Variants in MED27 observed in about 807,000 individuals in gnomAD.
The protein encoded by MED27 is mediator complex subunit 27, also known as mediator of RNA polymerase II transcription subunit 27.
Under a neutral mutation model 38.2 loss-of-function variants are expected in MED27, and 30 were observed. That is an observed-to-expected ratio of 0.79 (90% confidence interval 0.59 to 1.07). The LOEUF is 1.07. Among genes scored for constraint, MED27 ranks in the 50% least tolerant of loss-of-function variants. The pLI is 0.00. For synonymous variants in MED27, 122 were observed against 153.5 expected (o/e 0.79, Z 1.52); for missense variants, 289 against 397.5 (o/e 0.73, Z 2.32).
At chr9:131,969,419 T>C (rs1409892996) in intron 3 of MED27, among the ~76,000 whole-genome samples, 1 of 152,192 alleles carries the variant, frequency 6.6e-6, no homozygotes, top group Non-Finnish European at 1.5e-5. Flanking sequence ...ACATCTTCAA[T>C]GGAGGTTTCT....
intron 3 of MED27, among the ~76,000 whole-genome samples, chr9:131,980,631 C>T (rs187284487): frequency 2.2e-4 from 34 of 152,106 alleles, no homozygotes; most frequent in African/African-American, 7.2e-4. Context: ...TAAAAATAAA[C>T]GCACAATATT....
chr9:131,927,753 G>A (rs114952002), intron 4 of MED27, among the ~76,000 whole-genome samples: 2,401 of 152,250 alleles, frequency 0.016, 57 homozygotes, highest in African/African-American at 0.051. Flanking sequence ...AATATACAGA[G>A]GGCTCAAAAA....
In MED27 at chr9:132,077,445, G is replaced by A; in HGVS notation, c.345C>T (p.Asn115=). 1.2e-6 allele frequency: 2 copies of A among 1,613,688 alleles called. No homozygotes were observed. The highest frequency in any genetic ancestry group is 1.7e-6 in the Non-Finnish European group (2 of 1,179,904). ...CCGTTTATTACATCTCCCTTACCTT[G>A]TTTGACCACTTATATGCTTGAAGGA... is the stretch of plus-strand genomic sequence containing the variant. ...SQLLQAYKWS[N]KLQYHAGLAS... Residue 115 remains asparagine (N), a synonymous_variant, in exon 2 of 8, where the codon AAC becomes AAT. Coordinates refer to ENST00000292035, the MANE Select transcript of MED27 (RefSeq NM_004269.4).
At chr9:131,914,458 A>G (rs7851852) in intron 4 of MED27, among the ~76,000 whole-genome samples, 5,023 of 152,250 alleles carry the variant, frequency 0.033, 294 homozygotes, top group African/African-American at 0.11. Context: ...GTGCATTCCT[A>G]TCATGAATGG....
chr9:132,046,643 C>A (rs114532482), intron 2 of MED27, among the ~76,000 whole-genome samples: 1 of 152,100 alleles, frequency 6.6e-6, no homozygotes, highest in Non-Finnish European at 1.5e-5. Flanking sequence ...CCCAAGCAAT[C>A]GTAGCAGTGG....
At chr9:132,043,654 A>G (rs1342929585) in intron 2 of MED27, among the ~76,000 whole-genome samples, 3 of 152,222 alleles carry the variant, frequency 2.0e-5, no homozygotes, top group South Asian at 2.1e-4. Context: ...ATAATTTTCA[A>G]TTAAAACTCA....
chr9:131,868,479 A>G (rs1464281862), intron 6 of MED27: 1 of 705,474 alleles, frequency 1.4e-6, no homozygotes, highest in Non-Finnish European at 1.7e-6. Context: ...GTCTCACTGT[A>G]TTGCCCAGGC....
chr9:131,942,892 C>A (rs934557551), intron 3 of MED27, among the ~76,000 whole-genome samples: 2 of 151,984 alleles, frequency 1.3e-5, no homozygotes, highest in Non-Finnish European at 2.9e-5. Flanking sequence ...ATTTTTGATT[C>A]CTTTATTGAT....
At position 132,051,886 on chromosome 9, in the gene MED27, CA is replaced by C. The variant is rs1214213997; in HGVS notation, c.348+25555del. On this transcript the variant is annotated intron_variant, in intron 2 of 7. Coordinates refer to ENST00000292035, the MANE Select transcript of MED27 (RefSeq NM_004269.4). This position sits in a 1 kb window ranked among gnomAD's most constrained non-coding sequence, Gnocchi z 4.2. ...GATGGACGAGACTGAGGTGCCAAAACAGGTCCCTTTCCTTGCCATTTTAACT... is the reference window on the plus strand; with the variant it reads ...GATGGACGAGACTGAGGTGCCAAAACGGTCCCTTTCCTTGCCATTTTAACT... Among the ~76,000 whole-genome samples the C allele has an allele frequency of 5.9e-5, 9 of 152,154 alleles. No individual in the cohort carries two copies. Among genetic ancestry groups the C allele is most frequent in the Non-Finnish European group, 1.3e-4 (9 of 68,020 alleles).
At position 132,003,289 on chromosome 9, in the gene MED27, G is replaced by C. The variant is rs191493514; in HGVS notation, c.479+11048C>G. 1.2e-3 allele frequency among the ~76,000 whole-genome samples: 177 copies of C among 152,306 alleles called. No individual in the cohort carries two copies. Among genetic ancestry groups the C allele is most frequent in the African/African-American group, 4.1e-3 (170 of 41,570 alleles). ...TATAATTTTCAGACTGCTTCTGCAG[G>C]CTGCCACATTCAACTTAGTGCTTAA... On this transcript the variant is annotated intron_variant, in intron 3 of 7. Coordinates refer to ENST00000292035, the MANE Select transcript of MED27 (RefSeq NM_004269.4). The surrounding 1 kb of genome is among the most constrained non-coding windows in gnomAD (Gnocchi z 4.2).
At chr9:131,919,693 A>T (rs1830355043) in intron 4 of MED27, among the ~76,000 whole-genome samples, 1 of 152,210 alleles carries the variant, frequency 6.6e-6, no homozygotes, top group Non-Finnish European at 1.5e-5. Context: ...CTAAGAACAA[A>T]GACACTGGCT....
intron 3 of MED27, among the ~76,000 whole-genome samples, chr9:131,948,529 A>G (rs1239462292): frequency 6.6e-6 from 1 of 152,020 alleles, no homozygotes; most frequent in Admixed American, 6.6e-5. Flanking sequence ...AAACCAAAAC[A>G]TAACACCAAC....
chr9:132,034,133 T>C (rs1363784217), intron 2 of MED27, among the ~76,000 whole-genome samples: 1 of 152,218 alleles, frequency 6.6e-6, no homozygotes, highest in African/African-American at 2.4e-5. Context: ...GAATAAAGAA[T>C]GTGGCTTACT....
At chr9:132,059,800 A>G (rs1833660662) in intron 2 of MED27, among the ~76,000 whole-genome samples, 1 of 152,202 alleles carries the variant, frequency 6.6e-6, no homozygotes, top group Non-Finnish European at 1.5e-5. Flanking sequence ...GCTTGGTATT[A>G]CCAGTCTGAA....
chr9:132,055,740 C>T lies in MED27; in HGVS notation c.348+21702G>A, dbSNP rs201856894. ...CGTTCACTGGAACCAAGAAAGCAGCCGAGACCATTAAATCCACAGATAACA... is the reference window on the plus strand; with the variant it reads ...CGTTCACTGGAACCAAGAAAGCAGCTGAGACCATTAAATCCACAGATAACA... On this transcript the variant is annotated intron_variant, in intron 2 of 7. Transcript: ENST00000292035. 7.9e-5 allele frequency among the ~76,000 whole-genome samples: 12 copies of T among 152,276 alleles called. No individual in the cohort carries two copies. The East Asian group carries it at 1.2e-3, about 15-fold the overall frequency.
At chr9:131,868,216 G>T (rs1272648018) in intron 6 of MED27, among the ~76,000 whole-genome samples, 2 of 152,166 alleles carry the variant, frequency 1.3e-5, no homozygotes, top group Non-Finnish European at 2.9e-5. Context: ...AGCTTATTAT[G>T]TGCCAAGTCC....
At chr9:131,912,306 C>A (rs1000727151) in intron 4 of MED27, among the ~76,000 whole-genome samples, 2 of 152,226 alleles carry the variant, frequency 1.3e-5, no homozygotes, top group Non-Finnish European at 2.9e-5. Context: ...TTTCTTTAAC[C>A]AGTGAGTGCT....
chr9:131,935,297 ACACAT>A (rs1474576798), intron 4 of MED27, among the ~76,000 whole-genome samples: 5 of 152,224 alleles, frequency 3.3e-5, no homozygotes, highest in African/African-American at 1.2e-4. Flanking sequence ...TTTGATGATT[ACACAT>A]CACAGGCCTG....
intron 3 of MED27, among the ~76,000 whole-genome samples, chr9:131,978,190 T>C (rs1278690069): frequency 1.3e-5 from 2 of 152,062 alleles, no homozygotes; most frequent in Non-Finnish European, 2.9e-5. Flanking sequence ...ACCAAGGAGA[T>C]GAAGTCAGCA....
Sources: gnomAD v4.1 joint callset for allele counts (sites outside exome capture counted in the v4.1 genomes callset) on GRCh38, gnomAD v4.1.1 for gene constraint, Gnocchi (gnomAD v3.1) non-coding constraint, MANE v1.5 for transcripts, NCBI Gene and HGNC (gene_info 2026-07-23, HGNC 2026-07-21) for gene names.